Variants in MARK4 observed in about 807,000 individuals in gnomAD.
MARK4 encodes MAP/microtubule affinity-regulating kinase 4.
Under a neutral mutation model 81.5 loss-of-function variants are expected in MARK4, and 19 were observed. That is an observed-to-expected ratio of 0.23 (90% confidence interval 0.16 to 0.34). The LOEUF is 0.34. MARK4 is among the 10% of genes least tolerant of loss of function. The pLI is 1.00. For synonymous variants in MARK4, 436 were observed against 439.0 expected, an observed-to-expected ratio of 0.99 and a Z score of 0.08; for missense variants, 772 against 1,058.8, an observed-to-expected ratio of 0.73 and a Z score of 3.76.
intron 13 of MARK4, among the ~76,000 whole-genome samples, chr19:45,293,852 C>T (rs536860163): frequency 2.0e-5 from 3 of 152,310 alleles, no homozygotes; most frequent in African/African-American, 4.8e-5. Context: ...GCACGTGACT[C>T]AGCCTGGGGC....
At position 45,287,977 on chromosome 19, in the gene MARK4, G is replaced by T. The variant is rs933807630; in HGVS notation, c.1494+313G>T. ...GGAAAGGCCAGGCACAGTGGCTCAT[G>T]CTTGTAATCCTGGCATTTTGGGAGG... On this transcript the variant is annotated intron_variant, in intron 13 of 16. Transcript: ENST00000262891. 14 of 389,004 alleles carry T rather than the reference G, an allele frequency of 3.6e-5. No individual in the cohort carries two copies. The South Asian group carries it at 3.7e-4, about 10-fold the overall frequency. The allele number at this position is 389,004 out of a possible 1,614,324, so 24.1% of individuals were successfully genotyped here.
chr19:45,272,286 C>T (rs1326988665), intron 8 of MARK4, among the ~76,000 whole-genome samples: 3 of 152,142 alleles, frequency 2.0e-5, no homozygotes, highest in Non-Finnish European at 4.4e-5. Context: ...GAGCTGAGAT[C>T]GTGCCACTGC....
intron 16 of MARK4, among the ~76,000 whole-genome samples, chr19:45,301,557 CAAAAAAAAAAAA>C (rs10630193): frequency 2.0e-5 from 1 of 49,520 alleles, no homozygotes; most frequent in Non-Finnish European, 3.4e-5. Context: ...AACTCTGTCT[CAAAAAAAAAAAA>C]AAAAAAAAAA....
chr19:45,299,707 C>A, intron 15 of MARK4, 104 bp from the exon 16 acceptor site: 1 of 991,152 alleles, frequency 1.0e-6, no homozygotes, highest in Non-Finnish European at 1.4e-6. Context: ...CCCGGAGGGA[C>A]TGGGGTTGAG....
chr19:45,278,183 G>A, intron 9 of MARK4, 141 bp downstream of exon 9: 1 of 1,260,476 alleles, frequency 7.9e-7, no homozygotes, highest in Non-Finnish European at 1.1e-6. Context: ...GTGAGTGGGG[G>A]TAGACAGGCC....
chr19:45,268,541 G>T (rs1053579169), intron 7 of MARK4, among the ~76,000 whole-genome samples: 1 of 150,312 alleles, frequency 6.7e-6, no homozygotes, highest in Non-Finnish European at 1.5e-5. Flanking sequence ...CCAAGATCGC[G>T]CCAGTGCACT....
In MARK4 at chr19:45,297,761, G is replaced by A. The variant is rs768638967; in HGVS notation, c.1684G>A (p.Gly562Ser). ...AGGGGAGCGGAGCCGCCTGGCACGT[G>A]GTTCCACCATCCGCAGCACCTTCCA... ...PSGERSRLAR[G>S]STIRSTFHGG... Residue 562 changes from glycine (G) to serine (S), a missense_variant, in exon 15 of 17, where the codon GGT becomes AGT. Gly to Ser is a moderately conservative substitution (Grantham distance 56). Transcript: ENST00000262891. 2.0e-5 allele frequency: 31 copies of A among 1,579,554 alleles called. No individual in the cohort carries two copies. Among genetic ancestry groups the A allele is most frequent in the African/African-American group, 4.1e-5 (3 of 74,034 alleles).
At chr19:45,298,090 C>T (rs1262345054) in intron 15 of MARK4, 136 bp downstream of exon 15, 31 of 1,589,164 alleles carry the variant, frequency 2.0e-5, no homozygotes, top group Admixed American at 1.7e-4. Context: ...TCCTCCTCCT[C>T]CTCCTCCTTT....
chr19:45,293,276 A>G (rs1970842306), intron 13 of MARK4, among the ~76,000 whole-genome samples: 1 of 152,204 alleles, frequency 6.6e-6, no homozygotes, highest in Non-Finnish European at 1.5e-5. Context: ...AAAAAAATAA[A>G]TAAATAAATA....
Position 45,302,339 on chromosome 19 carries a change from T to C in MARK4, c.1923-35T>C, listed in dbSNP as rs1214280296. ...AGCCCTCCACCACATTCCTCTTCGC[T>C]CCCATCTCTGACCCCTGACATCTTC... On this transcript the variant is annotated intron_variant, in intron 16 of 16. Coordinates refer to ENST00000262891, the MANE Select transcript of MARK4 (RefSeq NM_001199867.2). The surrounding 1 kb of genome is among the most constrained non-coding windows in gnomAD (Gnocchi z 4.9). 6.2e-7 allele frequency: 1 copy of C among 1,613,682 alleles called. No homozygotes were observed. Among genetic ancestry groups the C allele is most frequent in the Non-Finnish European group, 8.5e-7 (1 of 1,179,830 alleles).
At chr19:45,298,065 CTCCTCCTCCTCGTT>C in intron 15 of MARK4, 111 bp downstream of exon 15, 1 of 1,543,152 alleles carries the variant, frequency 6.5e-7, no homozygotes, top group Non-Finnish European at 8.8e-7. Context: ...CTTCCTCCTC[CTCCTCCTCCTCGTT>C]TCCTCCTCCT....
At chr19:45,277,808 G>A in intron 8 of MARK4, 115 bp from the exon 9 acceptor site, 2 of 1,246,688 alleles carry the variant, frequency 1.6e-6, no homozygotes, top group South Asian at 1.7e-5. Flanking sequence ...TCTATCAAAG[G>A]GGTTGGGACA....
chr19:45,278,402 A>C, intron 9 of MARK4, 114 bp from the exon 10 acceptor site: 1 of 933,394 alleles, frequency 1.1e-6, no homozygotes, highest in Non-Finnish European at 1.7e-6. Flanking sequence ...ATCTCTTAGG[A>C]AGCCCGCAAT....
At chr19:45,257,264 A>C (rs1194481202) in intron 1 of MARK4, among the ~76,000 whole-genome samples, 1 of 152,118 alleles carries the variant, frequency 6.6e-6, no homozygotes, top group Non-Finnish European at 1.5e-5. Context: ...GATGATTGTT[A>C]GCATCTTTTA....
intron 14 of MARK4, among the ~76,000 whole-genome samples, chr19:45,295,990 C>G (rs550542176): frequency 1.3e-5 from 2 of 152,258 alleles, no homozygotes; most frequent in Admixed American, 1.3e-4. Flanking sequence ...TATTGCCTGG[C>G]TCAGTGCCCC....
chr19:45,300,404 G>T (rs959588776), intron 16 of MARK4, among the ~76,000 whole-genome samples: 1 of 131,448 alleles, frequency 7.6e-6, no homozygotes, highest in Non-Finnish European at 1.6e-5. Flanking sequence ...CTCCTCTTCT[G>T]GTCAATGCCC....
intron 7 of MARK4, among the ~76,000 whole-genome samples, chr19:45,268,447 T>C (rs987707077): frequency 1.3e-5 from 2 of 151,788 alleles, no homozygotes; most frequent in Non-Finnish European, 2.9e-5. Flanking sequence ...AGGTGGTCGT[T>C]GTGGCGCGTG....
intron 10 of MARK4, 76 bp downstream of exon 10, chr19:45,278,691 C>A: frequency 9.1e-7 from 1 of 1,101,550 alleles, no homozygotes; most frequent in South Asian, 1.3e-5. Flanking sequence ...GCAACCTCCG[C>A]CTCCCAGAAT....
chr19:45,258,190 T>G, intron 1 of MARK4, among the ~76,000 whole-genome samples: 1 of 151,822 alleles, frequency 6.6e-6, no homozygotes, highest in Middle Eastern at 3.2e-3. Flanking sequence ...TTTCACCATA[T>G]TGGCCAGGCT....
Sources: allele counts gnomAD v4.1 joint callset (sites outside exome capture counted in the v4.1 genomes callset), GRCh38; gene constraint gnomAD v4.1.1; non-coding constraint Gnocchi (gnomAD v3.1); transcripts MANE v1.5; gene names NCBI Gene and HGNC (gene_info 2026-07-23, HGNC 2026-07-21).